The following ZFPM2 variants were observed in gnomAD, a reference collection of about 807,000 sequenced individuals.
ZFPM2 encodes zinc finger protein, FOG family member 2.
ZFPM2 carries 20 observed loss-of-function variants against 98.6 expected under a neutral mutation model. The observed-to-expected ratio is 0.20, with a 90% CI of 0.14 to 0.29. The LOEUF is 0.29. ZFPM2 is among the 10% of genes least tolerant of loss of function. The pLI is 1.00. For synonymous variants in ZFPM2, 518 were observed against 502.7 expected, an observed-to-expected ratio of 1.03 and a Z score of -0.41; for missense variants, 1,310 against 1,388.6, an observed-to-expected ratio of 0.94 and a Z score of 0.90.
chr8:105,330,583 T>TATAC (rs1563606675), intron 1 of ZFPM2, among the ~76,000 whole-genome samples: 7 of 42,268 alleles, frequency 1.7e-4, no homozygotes, highest in Non-Finnish European at 2.6e-4. Context: ...TATATATACA[T>TATAC]ATATATATAT....
In ZFPM2 at chr8:105,522,203, A is replaced by C. The variant is rs1043641972; in HGVS notation, c.302-39160A>C. 2.3e-4 allele frequency among the ~76,000 whole-genome samples: 35 copies of C among 152,204 alleles called. 1 individual carries two copies. The highest frequency in any genetic ancestry group is 8.4e-4 in the African/African-American group (35 of 41,458). On this transcript the variant is annotated intron_variant, in intron 3 of 7. Transcript: ENST00000407775. ...CTCTGGCTTCTGGTGAAAGAAGTGG[A>C]ATAAGGGAAGCCTAAAAGGAAAGTT...
At chr8:105,490,930 A>C (rs538592413) in intron 3 of ZFPM2, among the ~76,000 whole-genome samples, 14 of 152,328 alleles carry the variant, frequency 9.2e-5, no homozygotes, top group Admixed American at 7.2e-4. Context: ...TGTACTCAAA[A>C]TTTTACTATT....
At chr8:105,591,490 G>A (rs529033357) in intron 4 of ZFPM2, among the ~76,000 whole-genome samples, 8 of 152,096 alleles carry the variant, frequency 5.3e-5, no homozygotes, top group Non-Finnish European at 1.2e-4. Context: ...TTGGAAAAAT[G>A]TTAATGCCTT....
chr8:105,418,345 T>C (rs1454701933), intron 1 of ZFPM2, among the ~76,000 whole-genome samples: 4 of 152,130 alleles, frequency 2.6e-5, no homozygotes, highest in Non-Finnish European at 5.9e-5. Flanking sequence ...CAGTCAGAAA[T>C]TCACAATCAG....
chr8:105,493,694 T>A lies in ZFPM2; in HGVS notation c.301+49313T>A, dbSNP rs187617819. ...CCTTTTACTTTAAACTCTTAATATG[T>A]CTCCCATAGATAGATAGATCTATCA... is the stretch of plus-strand genomic sequence containing the variant. On this transcript the variant is annotated intron_variant, in intron 3 of 7. Transcript: ENST00000407775. Among the ~76,000 whole-genome samples, 469 of 152,250 alleles carry A rather than the reference T, an allele frequency of 3.1e-3. 3 individuals are homozygous for A. Among genetic ancestry groups the A allele is most frequent in the African/African-American group, 0.011 (448 of 41,540 alleles).
chr8:105,582,045 T>C (rs1815613565), intron 4 of ZFPM2, among the ~76,000 whole-genome samples: 1 of 152,234 alleles, frequency 6.6e-6, no homozygotes, highest in South Asian at 2.1e-4. Flanking sequence ...TGTTTCTGTT[T>C]AATAGTAAAG....
In ZFPM2 at chr8:105,419,307, T is replaced by G; in HGVS notation, c.199+5T>G. Reference sequence around the variant, plus strand: ...TGGAATACTTTTGTAACAAAGGTAATTGTTGATGGTTGGATGTAATATGTG... The same window carrying G: ...TGGAATACTTTTGTAACAAAGGTAAGTGTTGATGGTTGGATGTAATATGTG... On this transcript the variant is annotated splice_donor_5th_base_variant and intron_variant, in intron 2 of 7. Transcript: ENST00000407775. 6.2e-7 allele frequency: 1 copy of G among 1,612,752 alleles called. No individual in the cohort carries two copies. The highest frequency in any genetic ancestry group is 8.5e-7 in the Non-Finnish European group (1 of 1,179,394).
chr8:105,757,136 AT>A (rs953731009), intron 5 of ZFPM2, among the ~76,000 whole-genome samples: 4 of 152,112 alleles, frequency 2.6e-5, no homozygotes, highest in Non-Finnish European at 4.4e-5. Flanking sequence ...TAGTCCAACC[AT>A]TTTTTATTAT....
chr8:105,346,938 A>G (rs879294578), intron 1 of ZFPM2, among the ~76,000 whole-genome samples: 5 of 152,168 alleles, frequency 3.3e-5, no homozygotes, highest in African/African-American at 4.8e-5. Flanking sequence ...CATGGGTCCA[A>G]TTCTCACATG....
chr8:105,537,882 C>A (rs1057434603), intron 3 of ZFPM2, among the ~76,000 whole-genome samples: 1 of 152,078 alleles, frequency 6.6e-6, no homozygotes, highest in South Asian at 2.1e-4. Flanking sequence ...CAGGTGTGTG[C>A]CACCACGCCT....
chr8:105,514,643 C>G (rs1315167507), intron 3 of ZFPM2, among the ~76,000 whole-genome samples: 1 of 152,136 alleles, frequency 6.6e-6, no homozygotes, highest in Non-Finnish European at 1.5e-5. Context: ...TCTCTCACCT[C>G]TTTTCTGAGC....
chr8:105,422,178 C>T (rs979735808), intron 2 of ZFPM2, among the ~76,000 whole-genome samples: 1 of 151,986 alleles, frequency 6.6e-6, no homozygotes, highest in African/African-American at 2.4e-5. Flanking sequence ...TGGCTGACGC[C>T]TGTAATCCAA....
chr8:105,688,576 A>G (rs115197765), intron 5 of ZFPM2, among the ~76,000 whole-genome samples: 1,792 of 152,248 alleles, frequency 0.012, 30 homozygotes, highest in African/African-American at 0.04. Flanking sequence ...TAACTTTTCT[A>G]TATGTATTTG....
At chr8:105,642,260 C>T (rs1428432883) in intron 5 of ZFPM2, among the ~76,000 whole-genome samples, 2 of 151,878 alleles carry the variant, frequency 1.3e-5, no homozygotes, top group East Asian at 3.9e-4. Flanking sequence ...CGGCTTTGTG[C>T]CTAACATGAT....
At chr8:105,759,276 A>C (rs1812682144) in intron 5 of ZFPM2, among the ~76,000 whole-genome samples, 1 of 152,098 alleles carries the variant, frequency 6.6e-6, no homozygotes, top group African/African-American at 2.4e-5. Context: ...AGGGAAATTA[A>C]ATGGATTTTC....
intron 5 of ZFPM2, among the ~76,000 whole-genome samples, chr8:105,700,122 C>T (rs534976769): frequency 1.4e-4 from 21 of 152,240 alleles, no homozygotes; most frequent in African/African-American, 4.6e-4. Context: ...TTAGCTGAGA[C>T]GCATTAGGGT....
intron 3 of ZFPM2, among the ~76,000 whole-genome samples, chr8:105,464,781 T>G (rs1812766878): frequency 6.6e-6 from 1 of 152,016 alleles, no homozygotes; most frequent in Non-Finnish European, 1.5e-5. Context: ...CAAAGATTGG[T>G]CAGTCTGGGC....
intron 5 of ZFPM2, among the ~76,000 whole-genome samples, chr8:105,748,054 C>G (rs766672293): frequency 1.8e-4 from 28 of 151,942 alleles, no homozygotes; most frequent in Non-Finnish European, 3.4e-4. Context: ...AACAGAATAT[C>G]TTTGTGCTTG....
At chr8:105,620,194 T>A (rs1816506971) in intron 4 of ZFPM2, among the ~76,000 whole-genome samples, 1 of 152,192 alleles carries the variant, frequency 6.6e-6, no homozygotes, top group Non-Finnish European at 1.5e-5. Context: ...CCAGCACCTG[T>A]GGTTTCCTGA....
Sources: gnomAD v4.1 joint callset for allele counts (sites outside exome capture counted in the v4.1 genomes callset) on GRCh38, gnomAD v4.1.1 for gene constraint, MANE v1.5 for transcripts, NCBI Gene and HGNC (gene_info 2026-07-23, HGNC 2026-07-21) for gene names.